TSEN34: variants seen among roughly 807,000 people sequenced by gnomAD.
The protein encoded by TSEN34 is tRNA splicing endonuclease subunit 34, also known as tRNA-splicing endonuclease subunit Sen34.
Under a neutral mutation model 30.2 loss-of-function variants are expected in TSEN34, and 25 were observed. The ratio of observed to expected loss-of-function variants is 0.83; its 90% confidence interval spans 0.60 to 1.16. The LOEUF (loss-of-function observed/expected upper bound fraction) is 1.16. Among genes scored for constraint, TSEN34 ranks in the 50% most tolerant of loss-of-function variants. The pLI, the probability that TSEN34 is intolerant of heterozygous loss-of-function variation, is 0.00. For synonymous variants in TSEN34, 209 were observed against 177.4 expected (o/e 1.18, Z -1.41); for missense variants, 475 against 411.9 (o/e 1.15, Z -1.33).
chr19:54,191,293 T>C (rs2076677805), upstream of TSEN34: 4 of 1,543,586 alleles, frequency 2.6e-6, no homozygotes, highest in East Asian at 4.9e-5. Context: ...CCGGAGGCTT[T>C]GGGTGCGCTG....
Position 54,192,206 on chromosome 19 carries a change from G to T in TSEN34, c.578G>T (p.Arg193Leu). ...LLVQLATARP[R>L]PVKARPLDWR... Reference sequence around the variant, plus strand: ...GTCCAGCTGGCCACTGCCAGGCCTCGACCGGTCAAGGCCAGGCCCCTGGAC... The same window carrying T: ...GTCCAGCTGGCCACTGCCAGGCCTCTACCGGTCAAGGCCAGGCCCCTGGAC... The change falls in exon 3 of 4, where the codon CGA becomes CTA. Residue 193 changes from arginine to leucine, a missense_variant. Physicochemically the swap from Arg to Leu is moderately radical, Grantham distance 102 (BLOSUM62 -2). Coordinates refer to ENST00000396388, the MANE Select transcript of TSEN34 (RefSeq NM_001077446.4). 1 of 1,614,124 alleles carries T rather than the reference G, an allele frequency of 6.2e-7. No individual in the cohort carries two copies. The highest frequency in any genetic ancestry group is 8.5e-7 in the Non-Finnish European group (1 of 1,180,008).
chr19:54,190,825 A>G (rs890924690), upstream of TSEN34: 2 of 1,065,048 alleles, frequency 1.9e-6, no homozygotes, highest in African/African-American at 1.7e-5. Flanking sequence ...AAGCCGAATC[A>G]CAGTCGTTCG....
In TSEN34 at chr19:54,194,517, A is replaced by G. The variant is rs1458213281; in HGVS notation, c.*1155A>G. On this transcript the variant is annotated 3_prime_UTR_variant, in exon 4 of 4. Transcript: ENST00000396388. ...ACACTACCACTATTCCAATAATTAC[A>G]CCTTTATCTTATCAATGTGCAGTTT... 1 of 152,108 alleles carries G rather than the reference A, an allele frequency of 6.6e-6. No individual in the cohort carries two copies. The highest frequency in any genetic ancestry group is 1.5e-5 in the Non-Finnish European group (1 of 68,034). The allele number at this position is 152,108 out of a possible 1,614,324, so 9.4% of individuals were successfully genotyped here.
chr19:54,190,106 G>A (rs1038035351), upstream of TSEN34: 3 of 545,144 alleles, frequency 5.5e-6, no homozygotes, highest in East Asian at 3.4e-5. Context: ...CTACGGGACC[G>A]GGCCAGGATG....
upstream of TSEN34, chr19:54,191,203 G>A (rs58123079): frequency 9.4e-6 from 13 of 1,384,742 alleles, no homozygotes; most frequent in Non-Finnish European, 1.2e-5. Flanking sequence ...GGGGCCTGGC[G>A]CTCGGGCCCA....
In TSEN34 at chr19:54,193,715, C is replaced by G. The variant is rs925103828; in HGVS notation, c.*353C>G. ...TCCTGGAACCCGTGGATGGTCTCAT[C>G]TGCATGTACAGGTGAGAAAAAGGCC... is the stretch of plus-strand genomic sequence containing the variant. On this transcript the variant is annotated 3_prime_UTR_variant, in exon 4 of 4. Transcript: ENST00000396388. The G allele has an allele frequency of 8.0e-6, 6 of 747,072 alleles. No individual in the cohort carries two copies. Among genetic ancestry groups the G allele is most frequent in the Non-Finnish European group, 1.4e-5 (6 of 425,672 alleles). 46.3% of individuals were successfully genotyped at this position (747,072 alleles called of 1,614,324 possible). A position where few individuals can be genotyped will look rare whatever the true frequency, so the allele number is the denominator to read the frequency against.
At position 54,191,718 on chromosome 19, in the gene TSEN34, C is replaced by A. The variant is rs760592668; in HGVS notation, c.244-3C>A. ...GGAGGTTCCAGCGAAGTGTGCTTCT[C>A]AGGCCCTGACATCCTTCAAGCGCCA... On this transcript the variant is annotated splice_region_variant and splice_polypyrimidine_tract_variant and intron_variant, in intron 1 of 3. Transcript: ENST00000396388. 3 of 1,613,932 alleles carry A rather than the reference C, an allele frequency of 1.9e-6. No individual in the cohort carries two copies. Among genetic ancestry groups the A allele is most frequent in the Non-Finnish European group, 2.5e-6 (3 of 1,180,030 alleles).
upstream of TSEN34, chr19:54,191,223 G>C: frequency 7.0e-7 from 1 of 1,432,800 alleles, no homozygotes; most frequent in African/African-American, 1.5e-5. Context: ...AGCAGGTGGT[G>C]AACGGCGGCT....
At chr19:54,189,702 G>C (rs1367134262), upstream of TSEN34, 2 of 153,468 alleles carry the variant, frequency 1.3e-5, no homozygotes, top group Non-Finnish European at 2.9e-5. Context: ...TCTGGAGCTC[G>C]GCGTGAGGAA....
chr19:54,191,319 C>T lies in TSEN34; in HGVS notation c.-46C>T. On this transcript the variant is annotated 5_prime_UTR_variant, in exon 1 of 4. Transcript: ENST00000396388. ...GGGTGCGCTGCAGCGGTCCGCGGCG[C>T]GCAGCTGTTTCGGTAACTGCTTTGC... The T allele has an allele frequency of 5.2e-6, 8 of 1,547,564 alleles. No homozygotes were observed. Among genetic ancestry groups the T allele is most frequent in the Non-Finnish European group, 7.0e-6 (8 of 1,146,148 alleles).
Position 54,191,462 on chromosome 19 carries a change from T to G in TSEN34, c.98T>G (p.Val33Gly), listed in dbSNP as rs1417932933. 6.5e-7 allele frequency: 1 copy of G among 1,548,510 alleles called. No individual in the cohort carries two copies. Among genetic ancestry groups the G allele is most frequent in the Non-Finnish European group, 8.7e-7 (1 of 1,148,172 alleles). The change falls in exon 1 of 4, where the codon GTA (valine) becomes GGA (glycine). Residue 33 changes from valine (V) to glycine (G), a missense_variant. Coordinates refer to ENST00000396388, the MANE Select transcript of TSEN34 (RefSeq NM_001077446.4). ...RERLGVGGRTVGALPRGPRQN... is the reference protein window; with the variant it reads ...RERLGVGGRTGGALPRGPRQN... ...CGCCTGGGTGTGGGGGGCCGCACGG[T>G]AGGCGCCCTGCCCCGCGGGCCCCGC...
chr19:54,191,306 G>T (rs948397818), upstream of TSEN34: 2 of 1,546,454 alleles, frequency 1.3e-6, no homozygotes, highest in Admixed American at 2.0e-5. Context: ...GTGCGCTGCA[G>T]CGGTCCGCGG....
At chr19:54,190,886 C>T (rs991690962), upstream of TSEN34, 13 of 1,043,084 alleles carry the variant, frequency 1.2e-5, no homozygotes, top group African/African-American at 2.2e-4. Context: ...GTGGCCTCGG[C>T]GGTGCCTTAG....
At chr19:54,191,685 A>G (rs778172937) in intron 1 of TSEN34, 36 bp from the exon 2 acceptor site, 3 of 1,613,332 alleles carry the variant, frequency 1.9e-6, no homozygotes, top group Non-Finnish European at 1.7e-6. Context: ...TGAAGGGACC[A>G]TAAGCTTGGA....
At chr19:54,193,036 A>G (rs1029904142) in intron 3 of TSEN34, 139 bp from the exon 4 acceptor site, 3 of 1,144,538 alleles carry the variant, frequency 2.6e-6, no homozygotes, top group Non-Finnish European at 3.7e-6. Flanking sequence ...GAAGTGGAAT[A>G]GTTGTGTCCA....
Position 54,192,441 on chromosome 19 carries a change from C to CT in TSEN34, c.745+83dup, listed in dbSNP as rs11420984. The CT allele has an allele frequency of 9.0e-3, 12,497 of 1,390,666 alleles. No individual in the cohort carries two copies. Among genetic ancestry groups the CT allele is most frequent in the Non-Finnish European group, 0.011 (11,082 of 1,017,828 alleles). The allele number at this position is 1,390,666 out of a possible 1,614,324, so 86.1% of individuals were successfully genotyped here. A position where few individuals can be genotyped will look rare whatever the true frequency, so the allele number is the denominator to read the frequency against. ...CGATCCCAATGTATTCTGCGTTTTT[C>CT]TTTTTTTTTTTTTTTGTCTTAATAG... On this transcript the variant is annotated intron_variant, in intron 3 of 3. Transcript: ENST00000396388.
chr19:54,190,461 C>G, upstream of TSEN34: 1 of 1,383,230 alleles, frequency 7.2e-7, no homozygotes, highest in Non-Finnish European at 9.4e-7. Flanking sequence ...GTGAGCCCGC[C>G]CGAGCGGAGA....
rs773034162 is a variant in TSEN34, at chr19:54,191,715, T to G, written c.244-6T>G. On this transcript the variant is annotated splice_region_variant and splice_polypyrimidine_tract_variant and intron_variant, in intron 1 of 3. Transcript: ENST00000396388. ...CTTGGAGGTTCCAGCGAAGTGTGCT[T>G]CTCAGGCCCTGACATCCTTCAAGCG... 1 of 1,613,888 alleles carries G rather than the reference T, an allele frequency of 6.2e-7. No individual in the cohort carries two copies.
Position 54,191,823 on chromosome 19 carries a change from A to T in TSEN34, c.346A>T (p.Ile116Phe), listed in dbSNP as rs540633663. Reference protein sequence around the residue: ...ETRRQELLEKITEGQAAKKQK... With the variant: ...ETRRQELLEKFTEGQAAKKQK... ...CCGTCGTCAGGAGCTCCTGGAGAAG[A>T]TTACGGAGGGCCAGGCTGCTAAGAA... Residue 116 changes from isoleucine (I) to phenylalanine (F), a missense_variant, in exon 2 of 4, where the codon ATT (isoleucine) becomes TTT (phenylalanine). Coordinates refer to ENST00000396388, the MANE Select transcript of TSEN34 (RefSeq NM_001077446.4). 16 of 1,614,086 alleles carry T rather than the reference A, an allele frequency of 9.9e-6. No homozygotes were observed. In the Admixed American group the frequency reaches 1.8e-4, roughly 18 times the overall value.
Sources: allele counts gnomAD v4.1 joint callset, GRCh38; gene constraint gnomAD v4.1.1; transcripts MANE v1.5; gene names NCBI Gene and HGNC (gene_info 2026-07-23, HGNC 2026-07-21).